SIPA1L1: variants seen among roughly 807,000 people sequenced by gnomAD.
SIPA1L1 encodes signal induced proliferation associated 1 like 1.
A neutral mutation model predicts 162.7 loss-of-function variants in SIPA1L1; 26 were observed. The ratio of observed to expected loss-of-function variants is 0.16; its 90% confidence interval spans 0.12 to 0.22. The LOEUF is 0.22. Among genes scored for constraint, SIPA1L1 ranks in the 10% least tolerant of loss-of-function variants. SIPA1L1 has a pLI of 1.00. For missense variants in SIPA1L1, 1,874 were observed against 2,241.0 expected (o/e 0.84, Z 3.31); for synonymous variants, 829 against 837.4 (o/e 0.99, Z 0.17).
chr14:71,367,442 G>A (rs1024433013), intron 2 of SIPA1L1, among the ~76,000 whole-genome samples: 1 of 151,624 alleles, frequency 6.6e-6, no homozygotes, highest in Non-Finnish European at 1.5e-5. Context: ...TAGTAGCTGG[G>A]ACTACAGGCG....
intron 2 of SIPA1L1, among the ~76,000 whole-genome samples, chr14:71,463,007 T>TA (rs2046723069): frequency 6.6e-6 from 1 of 152,208 alleles, no homozygotes; most frequent in Non-Finnish European, 1.5e-5. Context: ...CCACATCTGA[T>TA]ACAGCAGCTG....
intron 13 of SIPA1L1, among the ~76,000 whole-genome samples, chr14:71,686,857 AT>A (rs2149587822): frequency 6.6e-6 from 1 of 152,318 alleles, no homozygotes; most frequent in South Asian, 2.1e-4. Context: ...GGGAGGGTCC[AT>A]GTGGAAGCCA....
chr14:71,611,801 C>T (rs2038252401), intron 5 of SIPA1L1, among the ~76,000 whole-genome samples: 1 of 152,146 alleles, frequency 6.6e-6, no homozygotes, highest in South Asian at 2.1e-4. Flanking sequence ...TCCAGTCTAT[C>T]AGTGATGGGC....
chr14:71,697,783 A>G (rs1015183307), intron 13 of SIPA1L1, among the ~76,000 whole-genome samples: 11 of 152,348 alleles, frequency 7.2e-5, no homozygotes, highest in South Asian at 6.2e-4. Flanking sequence ...TGCCCTACTC[A>G]GAAGATAAAT....
At chr14:71,354,818 C>T (rs987768678) in intron 2 of SIPA1L1, among the ~76,000 whole-genome samples, 1 of 152,032 alleles carries the variant, frequency 6.6e-6, no homozygotes, top group Non-Finnish European at 1.5e-5. Context: ...TTGCATATTC[C>T]CTTTCTCCCC....
chr14:71,640,196 G>A (rs1004823722), intron 7 of SIPA1L1, among the ~76,000 whole-genome samples: 2 of 152,002 alleles, frequency 1.3e-5, no homozygotes, highest in African/African-American at 4.8e-5. Context: ...GAGCCACCAG[G>A]CCCCCGGCCT....
intron 5 of SIPA1L1, among the ~76,000 whole-genome samples, chr14:71,605,642 A>G (rs1388928288): frequency 6.6e-6 from 1 of 152,100 alleles, no homozygotes; most frequent in Non-Finnish European, 1.5e-5. Flanking sequence ...TTGTCTGTAA[A>G]CAGCATAAGT....
At chr14:71,591,225 A>G (rs1167324561) in intron 5 of SIPA1L1, among the ~76,000 whole-genome samples, 2 of 152,178 alleles carry the variant, frequency 1.3e-5, no homozygotes, top group African/African-American at 4.8e-5. Context: ...GGCATTTGCT[A>G]TGCCACATTT....
intron 17 of SIPA1L1, among the ~76,000 whole-genome samples, chr14:71,720,986 G>A (rs1424093064): frequency 3.3e-5 from 5 of 152,092 alleles, no homozygotes; most frequent in Non-Finnish European, 5.9e-5. Context: ...TGTCTTCCTG[G>A]ATGTTCTTGA....
intron 2 of SIPA1L1, among the ~76,000 whole-genome samples, chr14:71,463,318 A>G (rs1037761733): frequency 2.0e-5 from 3 of 152,188 alleles, no homozygotes; most frequent in African/African-American, 7.2e-5. Context: ...CCAATTACGC[A>G]TTCTGGCACT....
At chr14:71,483,951 C>T (rs1320308224) in intron 2 of SIPA1L1, among the ~76,000 whole-genome samples, 1 of 152,220 alleles carries the variant, frequency 6.6e-6, no homozygotes, top group African/African-American at 2.4e-5. Flanking sequence ...CACTCCGTAG[C>T]ACCCTGTGTT....
intron 7 of SIPA1L1, among the ~76,000 whole-genome samples, chr14:71,649,277 A>G (rs2042429247): frequency 6.7e-6 from 1 of 149,286 alleles, no homozygotes; most frequent in Non-Finnish European, 1.5e-5. Context: ...CTGCAACATC[A>G]ATCTCCCGGG....
At position 71,474,623 on chromosome 14, in the gene SIPA1L1, C is replaced by T. The variant is rs1041886385; in HGVS notation, c.-464-38120C>T. On this transcript the variant is annotated intron_variant, in intron 2 of 23. Transcript: ENST00000381232. ...AGGGATTTGTGGAGTAATCTCAGTT[C>T]AGCCCTGTCATTGTTCAGGTGAGGA... is the stretch of plus-strand genomic sequence containing the variant. 1.2e-4 allele frequency among the ~76,000 whole-genome samples: 19 copies of T among 152,174 alleles called. 1 individual carries two copies. Among genetic ancestry groups the T allele is most frequent in the African/African-American group, 3.6e-4 (15 of 41,448 alleles).
chr14:71,432,268 C>A (rs1360365625), intron 2 of SIPA1L1, among the ~76,000 whole-genome samples: 1 of 151,838 alleles, frequency 6.6e-6, no homozygotes, highest in Non-Finnish European at 1.5e-5. Flanking sequence ...GAGATGAGGC[C>A]TTACTATGTT....
intron 8 of SIPA1L1, among the ~76,000 whole-genome samples, chr14:71,656,547 A>T (rs966026615): frequency 9.2e-5 from 14 of 152,188 alleles, no homozygotes; most frequent in African/African-American, 3.4e-4. Context: ...GTAGTAATAC[A>T]CAGTTTTTTT....
intron 16 of SIPA1L1, among the ~76,000 whole-genome samples, chr14:71,707,889 T>C (rs1328526464): frequency 6.6e-6 from 1 of 152,128 alleles, no homozygotes; most frequent in Non-Finnish European, 1.5e-5. Flanking sequence ...ATTGCCAACA[T>C]TCATTATCAT....
intron 2 of SIPA1L1, among the ~76,000 whole-genome samples, chr14:71,396,935 C>T (rs2041251439): frequency 6.6e-6 from 1 of 152,050 alleles, no homozygotes; most frequent in South Asian, 2.1e-4. Flanking sequence ...TGTAGAATAT[C>T]TTATATTTTT....
intron 20 of SIPA1L1, 113 bp downstream of exon 20, chr14:71,730,414 G>A: frequency 8.1e-7 from 1 of 1,238,336 alleles, no homozygotes; most frequent in Non-Finnish European, 1.1e-6. Flanking sequence ...TGCTCAGATG[G>A]TCTCAGCTCA....
chr14:71,433,483 A>G (rs1352970176), intron 2 of SIPA1L1, among the ~76,000 whole-genome samples: 1 of 152,040 alleles, frequency 6.6e-6, no homozygotes, highest in Non-Finnish European at 1.5e-5. Context: ...CGCCCAACTA[A>G]TTTTTGTACT....
Sources: allele counts gnomAD v4.1 joint callset (sites outside exome capture counted in the v4.1 genomes callset), GRCh38; gene constraint gnomAD v4.1.1; transcripts MANE v1.5; gene names NCBI Gene and HGNC (gene_info 2026-07-23, HGNC 2026-07-21).